ERCC1: variants seen among roughly 807,000 people sequenced by gnomAD.
ERCC1 encodes the protein DNA excision repair protein ERCC-1.
Under a neutral mutation model 37.6 loss-of-function variants are expected in ERCC1, and 36 were observed. That is an observed-to-expected ratio of 0.96 (90% CI 0.73 to 1.26). ERCC1 has a LOEUF of 1.26. Ranked by LOEUF, ERCC1 falls within the 50% of genes most tolerant of loss-of-function variation. ERCC1 has a pLI of 0.00. For synonymous variants in ERCC1, 156 were observed against 162.1 expected, an observed-to-expected ratio of 0.96 and a Z score of 0.28; for missense variants, 349 against 376.5, an observed-to-expected ratio of 0.93 and a Z score of 0.60.
At chr19:45,449,846 C>A (rs1377200025) in intron 1 of ERCC1, among the ~76,000 whole-genome samples, 1 of 151,986 alleles carries the variant, frequency 6.6e-6, no homozygotes, top group East Asian at 1.9e-4. Context: ...TGCCTGTAAT[C>A]CCAGCTACTC....
In ERCC1 at chr19:45,409,900, T is replaced by A. The variant is rs1004498119; in HGVS notation, c.844-175A>T. The A allele has an allele frequency of 1.7e-3, 451 of 258,464 alleles. 3 individuals carry two copies. Among genetic ancestry groups the A allele is most frequent in the African/African-American group, 1.0e-2 (397 of 39,890 alleles). 16.0% of individuals were successfully genotyped at this position (258,464 alleles called of 1,614,324 possible). A position where few individuals can be genotyped will look rare whatever the true frequency, so the allele number is the denominator to read the frequency against. On this transcript the variant is annotated intron_variant, in intron 9 of 9. Transcript: ENST00000300853. The stretch of plus-strand genomic sequence containing the variant: ...AAGTTATTATTATTATTATTATTTT[T>A]TTTTTTTTTGAGATGGAGTCTCGCT...
rs774734081 is a variant in ERCC1, at chr19:45,421,246, C to T, written c.253G>A (p.Gly85Arg). ...TTCAGGGCCTGGTTGGGCGTCTCTC[C>T]TGCCAGGGGCTCTGACCCTGTGGGG... Reference protein sequence around the residue: ...TCPTGSEPLAGETPNQALKPG... With the variant: ...TCPTGSEPLARETPNQALKPG... The change falls in exon 3 of 10, where the codon GGA becomes AGA. Residue 85 changes from glycine to arginine, a missense_variant. Transcript: ENST00000300853. The T allele has an allele frequency of 2.4e-5, 39 of 1,614,106 alleles. No individual in the cohort carries two copies. The highest frequency in any genetic ancestry group is 2.7e-5 in the Non-Finnish European group (32 of 1,180,044).
At chr19:45,411,446 GCCACCATTTGTTATTGCCTGT>G (rs60173664) in intron 9 of ERCC1, among the ~76,000 whole-genome samples, 78,919 of 150,952 alleles carry the variant, frequency 0.52, 22,820 homozygotes, top group African/African-American at 0.75. Context: ...TCACATCCTC[GCCACCATTTGTTATTGCCTGT>G]CCACCATTTG....
intron 1 of ERCC1, among the ~76,000 whole-genome samples, chr19:45,435,646 G>T (rs1599858216): frequency 6.6e-6 from 1 of 152,112 alleles, no homozygotes; most frequent in African/African-American, 2.4e-5. Context: ...GTAGAGATGG[G>T]GTCTCGCTAT....
intron 1 of ERCC1, among the ~76,000 whole-genome samples, chr19:45,447,841 C>T (rs2123623001): frequency 6.6e-6 from 1 of 151,934 alleles, no homozygotes; most frequent in Non-Finnish European, 1.5e-5. Context: ...GAGTAACTCA[C>T]ATAGCATAAT....
rs540904237 is a variant in ERCC1 at position 45,407,498 on chromosome 19, A to C, written c.*2177T>G. ...GTGTGCAGATAAGCTCACTAAAGGT[A>C]GGGGCTATTGGTGTTATCCACGACC... On this transcript the variant is annotated 3_prime_UTR_variant, in exon 10 of 10. Transcript: ENST00000300853. The C allele has an allele frequency of 1.3e-5, 6 of 449,356 alleles. No homozygotes were observed. In the Admixed American group the frequency reaches 2.6e-4, roughly 20 times the overall value. The allele number at this position is 449,356 out of a possible 1,614,324, so 27.8% of individuals were successfully genotyped here.
intron 1 of ERCC1, among the ~76,000 whole-genome samples, chr19:45,441,668 T>C (rs569729971): frequency 2.4e-3 from 318 of 135,122 alleles, no homozygotes; most frequent in African/African-American, 5.6e-3. Context: ...AGCCACTGCG[T>C]CCAGCCTAAT....
intron 7 of ERCC1, chr19:45,414,385 G>A (rs1043103332): frequency 1.8e-5 from 7 of 381,598 alleles, no homozygotes; most frequent in Non-Finnish European, 2.5e-5. Context: ...GCTCAGGCAG[G>A]AGAATCACTT....
intron 1 of ERCC1, among the ~76,000 whole-genome samples, chr19:45,439,899 G>C (rs1975074999): frequency 6.6e-6 from 1 of 152,112 alleles, no homozygotes; most frequent in South Asian, 2.1e-4. Flanking sequence ...GAACCCGCGC[G>C]GCGCCGCGTC....
At chr19:45,448,439 CACAA>C (rs903811582) in intron 1 of ERCC1, among the ~76,000 whole-genome samples, 5 of 152,050 alleles carry the variant, frequency 3.3e-5, no homozygotes, top group Non-Finnish European at 7.4e-5. Flanking sequence ...AAAGGAAAAT[CACAA>C]ACAGAGACAG....
rs753533790 is a variant in ERCC1, at chr19:45,423,281, G to A, written c.94C>T (p.Pro32Ser). The A allele has an allele frequency of 1.9e-6, 3 of 1,613,376 alleles. No homozygotes were observed. The highest frequency in any genetic ancestry group is 2.2e-5 in the East Asian group (1 of 44,854). ...FVIPLDEDEV[P>S]PGVAKPLFRS... is the part of the protein sequence containing the mutation. The stretch of plus-strand genomic sequence containing the variant: ...TCTCCTTGTCCTACCACTCCAGGAG[G>A]GACCTCATCCTCGTCGAGGGGTATC... The change falls in exon 2 of 10, where the codon CCT (proline) becomes TCT (serine). Residue 32 changes from proline to serine, a missense_variant. Transcript: ENST00000300853.
upstream of ERCC1, among the ~76,000 whole-genome samples, chr19:45,428,459 T>TG (rs1157012612): frequency 6.6e-6 from 1 of 152,116 alleles, no homozygotes; most frequent in Admixed American, 6.6e-5. Context: ...CTCCCAGAGT[T>TG]GCGCGTTCGA....
intron 1 of ERCC1, among the ~76,000 whole-genome samples, chr19:45,450,164 C>T (rs1967069519): frequency 6.6e-6 from 1 of 152,138 alleles, no homozygotes; most frequent in South Asian, 2.1e-4. Context: ...GTCAAGGTTC[C>T]GGAGTGGGTA....
intron 5 of ERCC1, among the ~76,000 whole-genome samples, chr19:45,417,322 G>A (rs3212965): frequency 0.088 from 13,425 of 152,130 alleles, 1,138 homozygotes; most frequent in East Asian, 0.3. Flanking sequence ...TGATGATCTG[G>A]AGTGGCCAGG....
intron 1 of ERCC1, among the ~76,000 whole-genome samples, chr19:45,439,673 C>A (rs970524448): frequency 2.6e-5 from 4 of 151,932 alleles, no homozygotes; most frequent in African/African-American, 9.7e-5. Flanking sequence ...CGGCTCTGAA[C>A]CCCGGCGGAC....
intron 2 of ERCC1, among the ~76,000 whole-genome samples, chr19:45,422,888 G>A (rs1393666771): frequency 6.6e-6 from 1 of 152,212 alleles, no homozygotes; most frequent in Non-Finnish European, 1.5e-5. Context: ...CCCTTGGGAA[G>A]GAGATTTCAA....
At chr19:45,438,423 A>G (rs1975037297) in intron 1 of ERCC1, among the ~76,000 whole-genome samples, 2 of 151,944 alleles carry the variant, frequency 1.3e-5, no homozygotes, top group Admixed American at 1.3e-4. Context: ...GGATTGCTGG[A>G]TCCATATGTG....
chr19:45,418,111 C>T (rs1165541734), intron 5 of ERCC1, among the ~76,000 whole-genome samples: 1 of 151,974 alleles, frequency 6.6e-6, no homozygotes, highest in Admixed American at 6.6e-5. Flanking sequence ...CACCTGTAAT[C>T]CCAACACTTT....
intron 7 of ERCC1, 54 bp downstream of exon 7, chr19:45,414,807 C>T: frequency 7.7e-7 from 1 of 1,293,280 alleles, no homozygotes; most frequent in Non-Finnish European, 1.1e-6. Flanking sequence ...GAAGCTCAAC[C>T]ACCCAGGAGC....
Sources: allele counts gnomAD v4.1 joint callset (sites outside exome capture counted in the v4.1 genomes callset), GRCh38; gene constraint gnomAD v4.1.1; transcripts MANE v1.5; gene names NCBI Gene and HGNC (gene_info 2026-07-23, HGNC 2026-07-21).